UGT1A5: variants seen among roughly 807,000 people sequenced by gnomAD.
UGT1A5 encodes the protein UDP-glucuronosyltransferase 1A5.
Under a neutral mutation model 40.3 loss-of-function variants are expected in UGT1A5, and 29 were observed. That is an observed-to-expected ratio of 0.72 (90% CI 0.54 to 0.98). UGT1A5 has a LOEUF of 0.98. Ranked by LOEUF, UGT1A5 falls within the 50% of genes least tolerant of loss-of-function variation. The pLI is 0.00. For missense variants in UGT1A5, 678 were observed against 677.9 expected (o/e 1.00, Z 0.00); for synonymous variants, 257 against 262.5 (o/e 0.98, Z 0.20).
chr2:233,747,622 T>G, intron 1 of UGT1A5: 6 of 1,577,576 alleles, frequency 3.8e-6, no homozygotes, highest in Non-Finnish European at 5.2e-6. Context: ...AATGAGGCCC[T>G]GATCAGGCAC....
chr2:233,765,958 G>T (rs1456773325), intron 1 of UGT1A5, among the ~76,000 whole-genome samples: 1 of 152,138 alleles, frequency 6.6e-6, no homozygotes, highest in East Asian at 1.9e-4. Flanking sequence ...CACCGGCAGT[G>T]TCTAGAGGTG....
chr2:233,719,597 G>C, intron 1 of UGT1A5: 3 of 1,613,960 alleles, frequency 1.9e-6, no homozygotes, highest in Non-Finnish European at 2.5e-6. Flanking sequence ...TGTTCCGAGG[G>C]GACTTTGTGA....
chr2:233,762,993 G>T (rs1698210222), intron 1 of UGT1A5, among the ~76,000 whole-genome samples: 1 of 152,172 alleles, frequency 6.6e-6, no homozygotes, highest in Non-Finnish European at 1.5e-5. Flanking sequence ...AGTGGAAATT[G>T]ATTATCATTT....
chr2:233,752,046 G>A (rs1694879405), intron 1 of UGT1A5, among the ~76,000 whole-genome samples: 1 of 152,240 alleles, frequency 6.6e-6, no homozygotes, highest in African/African-American at 2.4e-5. Flanking sequence ...AAGCTGTTGT[G>A]TGAATGATTT....
At chr2:233,743,446 AAAG>A (rs891586644) in intron 1 of UGT1A5, 1 of 1,364,544 alleles carries the variant, frequency 7.3e-7, no homozygotes, top group Non-Finnish European at 9.8e-7. Context: ...TCCTGTATCA[AAAG>A]AAGAAAAAAC....
intron 2 of UGT1A5, 122 bp from the exon 3 acceptor site, chr2:233,767,727 T>A (rs28946890): frequency 6.4e-7 from 1 of 1,556,204 alleles, no homozygotes; most frequent in Non-Finnish European, 8.7e-7. Flanking sequence ...CAGTTACTGA[T>A]CCTCCCACTC....
intron 1 of UGT1A5, chr2:233,754,842 G>A (rs1695608877): frequency 7.4e-7 from 1 of 1,343,156 alleles, no homozygotes; most frequent in Non-Finnish European, 1.0e-6. Context: ...TTCACTGAAG[G>A]CAGAGAAAAG....
Position 233,767,856 on chromosome 2 carries a change from G to C in UGT1A5, c.1007G>C (p.Trp336Ser), listed in dbSNP as rs1181740769. ...ALGKIPQTVL[W>S]RYTGTRPSNL... Reference sequence around the variant, plus strand: ...TCTTTTTGCCCCTCCCAGGTCCTGTGGCGGTACACTGGAACCCGACCATCG... The same window carrying C: ...TCTTTTTGCCCCTCCCAGGTCCTGTCGCGGTACACTGGAACCCGACCATCG... The change falls in exon 3 of 5, where the codon TGG becomes TCG. Residue 336 changes from tryptophan (W) to serine (S), a missense_variant. Physicochemically the swap from Trp to Ser is radical, Grantham distance 177. Coordinates refer to ENST00000373414, the MANE Select transcript of UGT1A5 (RefSeq NM_019078.2). 1 of 1,614,108 alleles carries C rather than the reference G, an allele frequency of 6.2e-7. No individual in the cohort carries two copies. Among genetic ancestry groups the C allele is most frequent in the South Asian group, 1.1e-5 (1 of 91,082 alleles).
At chr2:233,733,541 C>T (rs1172335855) in intron 1 of UGT1A5, among the ~76,000 whole-genome samples, 2 of 152,150 alleles carry the variant, frequency 1.3e-5, no homozygotes, top group Non-Finnish European at 2.9e-5. Context: ...TTGTTGAAGG[C>T]CTTTTCTGCA....
chr2:233,716,848 A>C (rs28898605), intron 1 of UGT1A5, among the ~76,000 whole-genome samples: 37 of 152,046 alleles, frequency 2.4e-4, no homozygotes, highest in African/African-American at 7.7e-4. Flanking sequence ...TTCAGCTACC[A>C]CATATGCTGA....
At chr2:233,735,248 G>T (rs1391437917) in intron 1 of UGT1A5, among the ~76,000 whole-genome samples, 3 of 152,102 alleles carry the variant, frequency 2.0e-5, no homozygotes, top group African/African-American at 7.2e-5. Flanking sequence ...TTGTTGAATT[G>T]CTCCCTTTAC....
rs1429104103 is a variant in UGT1A5 at position 233,718,118 on chromosome 2, CCAT to C, written c.867+4261_867+4263del. On this transcript the variant is annotated intron_variant, in intron 1 of 4. Transcript: ENST00000373414. ...GCTTTAGACAGCAGCACCTCTTATT[CCAT>C]GGTGTAGATGGAGAATCCTCAATAA... The C allele has an allele frequency of 1.3e-5, 4 of 305,056 alleles. No homozygotes were observed. In the East Asian group the frequency reaches 3.1e-4, roughly 23 times the overall value. The allele number at this position is 305,056 out of a possible 1,614,324, so 18.9% of individuals were successfully genotyped here. A position where few individuals can be genotyped will look rare whatever the true frequency, so the allele number is the denominator to read the frequency against.
At chr2:233,760,933 G>A (rs1697618719) in intron 1 of UGT1A5, 3 of 1,614,198 alleles carry the variant, frequency 1.9e-6, no homozygotes, top group South Asian at 1.1e-5. Flanking sequence ...CATGCTCATT[G>A]CCTTTTCACA....
chr2:233,739,022 G>C (rs1690964112), intron 1 of UGT1A5: 1 of 152,290 alleles, frequency 6.6e-6, no homozygotes, highest in Non-Finnish European at 1.5e-5. Flanking sequence ...TCCAGCCATG[G>C]CTAAAAGGGG....
At chr2:233,747,977 G>A (rs1693826207) in intron 1 of UGT1A5, 1 of 1,613,358 alleles carries the variant, frequency 6.2e-7, no homozygotes, top group Non-Finnish European at 8.5e-7. Context: ...CATCTGTGTG[G>A]CTGTTCCGAG....
Position 233,727,076 on chromosome 2 carries a change from C to T in UGT1A5, c.867+13218C>T, listed in dbSNP as rs574728878. Among the ~76,000 whole-genome samples the T allele has an allele frequency of 2.4e-4, 36 of 152,290 alleles. No individual in the cohort carries two copies. In the South Asian group the frequency reaches 7.5e-3, roughly 32 times the overall value. ...GAAGATTAGTTTCTGTGTTCTCTTA[C>T]AAACATTAAAGAATTCCAGTTTGTG... On this transcript the variant is annotated intron_variant, in intron 1 of 4. Coordinates refer to ENST00000373414, the MANE Select transcript of UGT1A5 (RefSeq NM_019078.2).
chr2:233,762,928 A>G (rs1698198044), intron 1 of UGT1A5, among the ~76,000 whole-genome samples: 1 of 152,220 alleles, frequency 6.6e-6, no homozygotes, highest in African/African-American at 2.4e-5. Flanking sequence ...TAGAATCTCT[A>G]AAAACAGTTG....
chr2:233,720,021 T>A (rs1332952782), intron 1 of UGT1A5, among the ~76,000 whole-genome samples: 2 of 151,934 alleles, frequency 1.3e-5, no homozygotes, highest in African/African-American at 4.8e-5. Context: ...CATCCTGGGG[T>A]TTTTGCTTGC....
chr2:233,730,377 G>A (rs750998252), intron 1 of UGT1A5, among the ~76,000 whole-genome samples: 101 of 152,334 alleles, frequency 6.6e-4, no homozygotes, highest in Admixed American at 1.4e-3. Flanking sequence ...ATTTTCAGGG[G>A]AAAGATGATG....
Sources: gnomAD v4.1 joint callset for allele counts (sites outside exome capture counted in the v4.1 genomes callset) on GRCh38, gnomAD v4.1.1 for gene constraint, MANE v1.5 for transcripts, NCBI Gene and HGNC (gene_info 2026-07-23, HGNC 2026-07-21) for gene names.